The following GNPDA1 variants were observed in gnomAD, a reference collection of about 807,000 sequenced individuals.
GNPDA1 encodes the protein glucosamine-6-phosphate deaminase 1.
A neutral mutation model predicts 28.5 loss-of-function variants in GNPDA1; 24 were observed. That is an observed-to-expected ratio of 0.84 (90% CI 0.61 to 1.19). The LOEUF (loss-of-function observed/expected upper bound fraction) is 1.19. Among genes scored for constraint, GNPDA1 ranks in the 50% most tolerant of loss-of-function variants. The pLI is 0.00. For missense variants in GNPDA1, 264 were observed against 367.3 expected (o/e 0.72, Z 2.30); for synonymous variants, 147 against 139.3 (o/e 1.06, Z -0.39).
intron 3 of GNPDA1, among the ~76,000 whole-genome samples, chr5:142,007,192 T>C (rs987180918): frequency 2.0e-5 from 3 of 152,216 alleles, no homozygotes; most frequent in Non-Finnish European, 4.4e-5. Flanking sequence ...TACTGAACTA[T>C]ACACAGAAAG....
In GNPDA1 at chr5:142,006,336, C is replaced by T. The variant is rs200209576; in HGVS notation, c.227-10G>A. Reference sequence around the variant, plus strand: ...TGGTCTCGAGGAAGGCCTGTGGGGCCGTGAGACACTCGGTTATGCCTAGGC... The same window carrying T: ...TGGTCTCGAGGAAGGCCTGTGGGGCTGTGAGACACTCGGTTATGCCTAGGC... On this transcript the variant is annotated splice_polypyrimidine_tract_variant and intron_variant, in intron 3 of 6. Coordinates refer to ENST00000311337, the MANE Select transcript of GNPDA1 (RefSeq NM_005471.5). The T allele has an allele frequency of 1.4e-5, 23 of 1,607,200 alleles. No homozygotes were observed. The highest frequency in any genetic ancestry group is 4.5e-5 in the East Asian group (2 of 44,832).
intron 2 of GNPDA1, among the ~76,000 whole-genome samples, chr5:142,008,852 C>T (rs1043363294): frequency 2.0e-5 from 3 of 151,902 alleles, no homozygotes; most frequent in Non-Finnish European, 2.9e-5. Flanking sequence ...TAAAAACCAA[C>T]CTATAAAAGA....
In GNPDA1 at chr5:142,006,154, T is replaced by C. The variant is rs1193923411; in HGVS notation, c.399A>G (p.Leu133=). 12 of 1,612,452 alleles carry C rather than the reference T, an allele frequency of 7.4e-6. No homozygotes were observed. The highest frequency in any genetic ancestry group is 1.0e-5 in the Non-Finnish European group (12 of 1,178,874). Residue 133 remains leucine (L), a synonymous_variant, in exon 4 of 7, where the codon CTA becomes CTG. Transcript: ENST00000311337. ...EKIKAAGGIE[L]FVGGIGPDGH... ...GAGTGTCAAGCTCACCTCCAACAAA[T>C]AGCTCGATCCCACCTGCAGCCTTGA...
intron 1 of GNPDA1, 179 bp downstream of exon 1, chr5:142,012,816 G>A: frequency 4.5e-6 from 1 of 223,246 alleles, no homozygotes; most frequent in Non-Finnish European, 7.5e-6. Context: ...CCGCGCGGTC[G>A]TCGGTGGGGT....
chr5:142,007,842 C>T lies in GNPDA1; in HGVS notation c.183G>A (p.Leu61=), dbSNP rs147699171. 2.1e-5 allele frequency: 34 copies of T among 1,612,802 alleles called. No individual in the cohort carries two copies. The African/African-American group carries it at 4.4e-4, about 21-fold the overall frequency. ...TGAAGGTCTTCACATATTTAAAGGA[C>T]AGGTCCCCATTCTTATAGTATTCAA... is the stretch of plus-strand genomic sequence containing the variant. ...KLIEYYKNGD[L]SFKYVKTFNM... is the part of the protein sequence containing the mutation. Residue 61 remains leucine, a synonymous_variant, in exon 3 of 7, where the codon CTG becomes CTA. Transcript: ENST00000311337.
rs1755771655 is a variant in GNPDA1, at chr5:142,005,128, G to C, written c.410-12C>G. The C allele has an allele frequency of 6.3e-7, 1 of 1,575,546 alleles. No homozygotes were observed. Among genetic ancestry groups the C allele is most frequent in the Non-Finnish European group, 8.7e-7 (1 of 1,148,820 alleles). ...ATCAGGGCCGATGCCTATAGGGAGA[G>C]AGCCCGTGCAGCCCTGTCAGTCCCA... On this transcript the variant is annotated splice_polypyrimidine_tract_variant and intron_variant, in intron 4 of 6. Transcript: ENST00000311337.
intron 2 of GNPDA1, among the ~76,000 whole-genome samples, chr5:142,011,436 A>G (rs1383674032): frequency 6.6e-6 from 1 of 152,246 alleles, no homozygotes; most frequent in Non-Finnish European, 1.5e-5. Context: ...ATTTTTTCCA[A>G]AAGAAATTAG....
Position 142,002,000 on chromosome 5 carries a change from G to A in GNPDA1, c.*29C>T, listed in dbSNP as rs746810735. On this transcript the variant is annotated 3_prime_UTR_variant, in exon 7 of 7. Coordinates refer to ENST00000311337, the MANE Select transcript of GNPDA1 (RefSeq NM_005471.5). Reference sequence around the variant, plus strand: ...TCCAGAAAGACCTGCCTTTCCCTATGGGTACTTGACACTAGGTCCCAGCAC... The same window carrying A: ...TCCAGAAAGACCTGCCTTTCCCTATAGGTACTTGACACTAGGTCCCAGCAC... 15 of 1,101,744 alleles carry A rather than the reference G, an allele frequency of 1.4e-5. No homozygotes were observed. Among genetic ancestry groups the A allele is most frequent in the Non-Finnish European group, 2.1e-5 (15 of 726,388 alleles). The allele number at this position is 1,101,744 out of a possible 1,614,324, so 68.2% of individuals were successfully genotyped here. A position where few individuals can be genotyped will look rare whatever the true frequency, so the allele number is the denominator to read the frequency against.
intron 4 of GNPDA1, chr5:142,005,482 G>T: frequency 5.6e-6 from 1 of 179,346 alleles, no homozygotes; most frequent in Middle Eastern, 2.6e-3. Context: ...GTAGTTAGAG[G>T]GTCCTGCTGC....
At position 142,007,895 on chromosome 5, in the gene GNPDA1, T is replaced by G. The variant is rs771848794; in HGVS notation, c.130A>C (p.Thr44Pro). 6.2e-7 allele frequency: 1 copy of G among 1,601,464 alleles called. No homozygotes were observed. The highest frequency in any genetic ancestry group is 1.7e-5 in the Admixed American group (1 of 60,014). The change falls in exon 3 of 7, where the codon ACC (threonine) becomes CCC (proline). Residue 44 changes from threonine to proline, a missense_variant. Transcript: ENST00000311337. Reference sequence around the variant, plus strand: ...AGCTTCTTGTAGCAGCCAAGTGGGGTACTCCCTGCAAGAGTGGCCACACCC... The same window carrying G: ...AGCTTCTTGTAGCAGCCAAGTGGGGGACTCCCTGCAAGAGTGGCCACACCC... ...YFTLGLPTGS[T>P]PLGCYKKLIE...
intron 2 of GNPDA1, 57 bp from the exon 3 acceptor site, chr5:142,007,957 A>G: frequency 3.3e-6 from 3 of 913,170 alleles, no homozygotes; most frequent in Non-Finnish European, 5.5e-6. Flanking sequence ...GGAAGCCCAG[A>G]GGGTTCACAG....
intron 2 of GNPDA1, among the ~76,000 whole-genome samples, chr5:142,011,558 C>T (rs1755955383): frequency 6.6e-6 from 1 of 152,200 alleles, no homozygotes; most frequent in Admixed American, 6.5e-5. Flanking sequence ...CCTCTAGATG[C>T]AGAGAAGAGA....
At chr5:142,012,858 A>AT (rs1231957414) in intron 1 of GNPDA1, 137 bp downstream of exon 1, 1 of 134,640 alleles carries the variant, frequency 7.4e-6, no homozygotes, top group Non-Finnish European at 1.5e-5. Context: ...TTACCACCCC[A>AT]TCGCCCCTCC....
chr5:142,005,374 C>G (rs1246803080), intron 4 of GNPDA1: 2 of 350,014 alleles, frequency 5.7e-6, no homozygotes, highest in Admixed American at 4.0e-5. Context: ...ACATTGTTAA[C>G]TTGCTATCAC....
At chr5:142,010,723 A>G (rs1402386425) in intron 2 of GNPDA1, among the ~76,000 whole-genome samples, 1 of 151,588 alleles carries the variant, frequency 6.6e-6, no homozygotes, top group Non-Finnish European at 1.5e-5. Flanking sequence ...CATGTTGCCC[A>G]GGCTAATCTC....
chr5:142,007,012 T>G (rs1451178517), intron 3 of GNPDA1, among the ~76,000 whole-genome samples: 1 of 152,078 alleles, frequency 6.6e-6, no homozygotes, highest in Admixed American at 6.6e-5. Context: ...TATACTCTAG[T>G]TTGATTCTAG....
chr5:142,011,459 T>C (rs1898679), intron 2 of GNPDA1, among the ~76,000 whole-genome samples: 50,772 of 152,136 alleles, frequency 0.33, 10,653 homozygotes, highest in Non-Finnish European at 0.47. Flanking sequence ...CTGTTTTTTA[T>C]TTAGGTCCTG....
chr5:142,004,597 A>G (rs922712142), intron 5 of GNPDA1, among the ~76,000 whole-genome samples: 2 of 152,238 alleles, frequency 1.3e-5, no homozygotes, highest in East Asian at 3.8e-4. Flanking sequence ...CCCTCTCTCC[A>G]TACCTGGTCA....
chr5:142,011,694 C>G (rs78518960), intron 2 of GNPDA1, among the ~76,000 whole-genome samples: 4,140 of 152,298 alleles, frequency 0.027, 165 homozygotes, highest in African/African-American at 0.093. Flanking sequence ...AACCAAGATC[C>G]CTTCTGCTCC....
Sources: allele counts gnomAD v4.1 joint callset (sites outside exome capture counted in the v4.1 genomes callset), GRCh38; gene constraint gnomAD v4.1.1; transcripts MANE v1.5; gene names NCBI Gene and HGNC (gene_info 2026-07-23, HGNC 2026-07-21).